The following HHAT variants were observed in gnomAD, a reference collection of about 807,000 sequenced individuals.
HHAT encodes the protein protein-cysteine N-palmitoyltransferase HHAT.
A neutral mutation model predicts 70.8 loss-of-function variants in HHAT; 47 were observed. The ratio of observed to expected loss-of-function variants is 0.66; its 90% CI spans 0.53 to 0.85. HHAT has a LOEUF of 0.85. Among genes scored for constraint, HHAT ranks in the 40% least tolerant of loss-of-function variants. The probability of loss-of-function intolerance (pLI) is 0.00; values close to 1 mark genes in which losing one functional copy is unlikely to be tolerated. For missense variants in HHAT, 609 were observed against 604.8 expected (o/e 1.01, Z -0.07); for synonymous variants, 228 against 247.6 (o/e 0.92, Z 0.74).
In HHAT at chr1:210,374,756, G is replaced by C. The variant is rs555811723; in HGVS notation, c.159+11837G>C. ...TGTACCTCTACCGAGCTTCCCCAGT[G>C]GGGAATCTTTTTTTTTTTTTTTTTA... On this transcript the variant is annotated intron_variant, in intron 3 of 11. Transcript: ENST00000261458. 2.2e-5 allele frequency among the ~76,000 whole-genome samples: 3 copies of C among 139,426 alleles called. No individual in the cohort carries two copies. The East Asian group carries it at 5.9e-4, about 27-fold the overall frequency. 91.5% of individuals were successfully genotyped at this position (139,426 alleles called of 152,430 possible).
At chr1:210,367,907 TCCCCCAC>T (rs563613558) in intron 3 of HHAT, among the ~76,000 whole-genome samples, 4 of 116,354 alleles carry the variant, frequency 3.4e-5, no homozygotes, top group African/African-American at 9.6e-5. Context: ...TAAAAGCCCC[TCCCCCAC>T]CCCCCACCCC....
intron 6 of HHAT, among the ~76,000 whole-genome samples, chr1:210,415,382 A>G (rs1436145545): frequency 6.6e-6 from 1 of 152,156 alleles, no homozygotes; most frequent in Non-Finnish European, 1.5e-5. Flanking sequence ...AATGAAAACC[A>G]TCCTCAGTTT....
chr1:210,477,850 A>T lies in HHAT; in HGVS notation c.1007+13195A>T, dbSNP rs112211651. On this transcript the variant is annotated intron_variant, in intron 8 of 11. Coordinates refer to ENST00000261458, the MANE Select transcript of HHAT (RefSeq NM_018194.6). The stretch of plus-strand genomic sequence containing the variant: ...GTCATTAGGAGACTAAGGGAAATGG[A>T]CTTGCAGAGGCTTGGTAATGGGGGC... Among the ~76,000 whole-genome samples the T allele has an allele frequency of 9.5e-4, 145 of 152,240 alleles. 1 individual carries two copies. The highest frequency in any genetic ancestry group is 1.9e-3 in the Non-Finnish European group (129 of 68,012).
intron 9 of HHAT, among the ~76,000 whole-genome samples, chr1:210,540,121 A>G (rs2095413105): frequency 6.7e-6 from 1 of 149,932 alleles, no homozygotes; most frequent in South Asian, 2.2e-4. Context: ...TGGTTACTCT[A>G]GTGACATAGA....
chr1:210,460,762 C>T (rs1304595544), intron 7 of HHAT, among the ~76,000 whole-genome samples: 1 of 152,090 alleles, frequency 6.6e-6, no homozygotes, highest in Non-Finnish European at 1.5e-5. Flanking sequence ...AGCACAAAGG[C>T]AGAAGAAAAT....
At chr1:210,442,095 G>T (rs1259253101) in intron 7 of HHAT, among the ~76,000 whole-genome samples, 5 of 141,744 alleles carry the variant, frequency 3.5e-5, no homozygotes, top group African/African-American at 1.3e-4. Flanking sequence ...GTGAGAATAT[G>T]CAGTGTTTGG....
At chr1:210,333,673 T>C (rs543050895) in intron 1 of HHAT, among the ~76,000 whole-genome samples, 2 of 151,854 alleles carry the variant, frequency 1.3e-5, no homozygotes, top group East Asian at 1.9e-4. Flanking sequence ...TTTTTTTTTT[T>C]CTGAGACAGC....
At chr1:210,549,092 G>C (rs1045295398) in intron 9 of HHAT, among the ~76,000 whole-genome samples, 1 of 152,190 alleles carries the variant, frequency 6.6e-6, no homozygotes, top group Non-Finnish European at 1.5e-5. Context: ...TAATCTCTCT[G>C]TGCCTCAGTT....
intron 9 of HHAT, among the ~76,000 whole-genome samples, chr1:210,554,169 T>G (rs2095552476): frequency 6.6e-6 from 1 of 152,114 alleles, no homozygotes; most frequent in African/African-American, 2.4e-5. Context: ...GGTTAATGAT[T>G]TTAGCATGAG....
intron 9 of HHAT, among the ~76,000 whole-genome samples, chr1:210,534,116 C>T (rs541627261): frequency 6.6e-5 from 10 of 152,108 alleles, no homozygotes; most frequent in East Asian, 3.9e-4. Context: ...TGTACCTTCC[C>T]GCCCCCCACC....
chr1:210,610,534 T>C (rs1391736009), intron 10 of HHAT, among the ~76,000 whole-genome samples: 1 of 151,350 alleles, frequency 6.6e-6, no homozygotes, highest in Non-Finnish European at 1.5e-5. Context: ...ATGCCATTTG[T>C]CAATTTTTGC....
intron 8 of HHAT, among the ~76,000 whole-genome samples, chr1:210,512,599 G>C (rs1383279995): frequency 6.6e-6 from 1 of 151,604 alleles, no homozygotes. Context: ...TTTAACCCAG[G>C]GGGTTGAGGC....
intron 11 of HHAT, among the ~76,000 whole-genome samples, chr1:210,634,547 T>C (rs1671500995): frequency 6.6e-6 from 1 of 152,226 alleles, no homozygotes; most frequent in Admixed American, 6.5e-5. Flanking sequence ...CTGGACATTT[T>C]CTGGTCACAC....
chr1:210,548,764 G>A (rs1049985725), intron 9 of HHAT, among the ~76,000 whole-genome samples: 1 of 152,200 alleles, frequency 6.6e-6, no homozygotes, highest in Admixed American at 6.5e-5. Flanking sequence ...TGGAATTCCT[G>A]TTAAGAAGGT....
chr1:210,444,242 T>G (rs1312938429), intron 7 of HHAT, among the ~76,000 whole-genome samples: 3 of 86,094 alleles, frequency 3.5e-5, no homozygotes, highest in Non-Finnish European at 4.9e-5. Flanking sequence ...GCTGGATTCG[T>G]TTTGCCAGTA....
intron 4 of HHAT, among the ~76,000 whole-genome samples, chr1:210,390,762 A>G (rs187337635): frequency 4.7e-4 from 72 of 152,290 alleles, no homozygotes; most frequent in Admixed American, 1.4e-3. Context: ...TTGGTTTTCC[A>G]TTCCTGAGTT....
Position 210,583,802 on chromosome 1 carries a change from G to A in HHAT, c.1044-4096G>A, listed in dbSNP as rs190914422. ...GTTCCAGGAGATGCCCAAAATAGCT[G>A]GGCATGTAATTTTGGGGCTAGATGC... On this transcript the variant is annotated intron_variant, in intron 9 of 11. Coordinates refer to ENST00000261458, the MANE Select transcript of HHAT (RefSeq NM_018194.6). Among the ~76,000 whole-genome samples the A allele has an allele frequency of 1.5e-3, 231 of 152,194 alleles. 2 individuals carry two copies. The highest frequency in any genetic ancestry group is 7.2e-3 in the Admixed American group (110 of 15,286).
rs550623718 is a variant in HHAT, at chr1:210,446,581, G to A, written c.857-17924G>A. ...ACCACGTGGTCCGGCACCTGCCACCGTGACTCATCTCCTCCCACCCTTGCC... is the reference window on the plus strand; with the variant it reads ...ACCACGTGGTCCGGCACCTGCCACCATGACTCATCTCCTCCCACCCTTGCC... On this transcript the variant is annotated intron_variant, in intron 7 of 11. Coordinates refer to ENST00000261458, the MANE Select transcript of HHAT (RefSeq NM_018194.6). 2.4e-4 allele frequency among the ~76,000 whole-genome samples: 36 copies of A among 152,272 alleles called. 1 individual carries two copies. The South Asian group carries it at 2.5e-3, about 11-fold the overall frequency.
chr1:210,490,390 G>A (rs1430342503), intron 8 of HHAT, among the ~76,000 whole-genome samples: 2 of 152,214 alleles, frequency 1.3e-5, no homozygotes, highest in Non-Finnish European at 2.9e-5. Context: ...GGATATGAAT[G>A]GAGTGATGTC....
Sources: allele counts gnomAD v4.1 joint callset (sites outside exome capture counted in the v4.1 genomes callset), GRCh38; gene constraint gnomAD v4.1.1; transcripts MANE v1.5; gene names NCBI Gene and HGNC (gene_info 2026-07-23, HGNC 2026-07-21).